FYN: variants seen among roughly 807,000 people sequenced by gnomAD.
FYN encodes the protein tyrosine-protein kinase Fyn.
In FYN, 10 loss-of-function variants were observed where a neutral mutation model predicts 70.2. The ratio of observed to expected loss-of-function variants is 0.14; its 90% CI spans 0.09 to 0.24. The LOEUF is 0.24. Ranked by LOEUF, FYN falls within the 10% of genes least tolerant of loss-of-function variation. FYN has a pLI of 1.00. For missense variants in FYN, 319 were observed against 673.1 expected, an observed-to-expected ratio of 0.47 and a Z score of 5.82; for synonymous variants, 236 against 248.6, an observed-to-expected ratio of 0.95 and a Z score of 0.48.
intron 3 of FYN, among the ~76,000 whole-genome samples, chr6:111,758,073 ATGT>A (rs763100567): frequency 1.3e-5 from 2 of 152,224 alleles, no homozygotes; most frequent in Non-Finnish European, 2.9e-5. Flanking sequence ...CTAGATTCTG[ATGT>A]TGTTTTTAAA....
At chr6:111,684,150 G>C (rs907433999) in intron 12 of FYN, among the ~76,000 whole-genome samples, 1 of 152,192 alleles carries the variant, frequency 6.6e-6, no homozygotes, top group Non-Finnish European at 1.5e-5. Flanking sequence ...AAGGAGGGAG[G>C]TTGGGAGGAA....
chr6:111,750,441 C>T (rs1394130637), intron 3 of FYN, among the ~76,000 whole-genome samples: 2 of 152,166 alleles, frequency 1.3e-5, no homozygotes, highest in Non-Finnish European at 1.5e-5. Context: ...AAGCAGAAGC[C>T]GCTATGCTTC....
At chr6:111,772,197 A>G (rs544792803) in intron 3 of FYN, among the ~76,000 whole-genome samples, 1 of 152,296 alleles carries the variant, frequency 6.6e-6, no homozygotes, top group Admixed American at 6.5e-5. Context: ...CAAGAAAAAA[A>G]AATGTTTAGC....
intron 2 of FYN, among the ~76,000 whole-genome samples, chr6:111,835,949 T>C (rs1387425330): frequency 6.6e-6 from 1 of 152,172 alleles, no homozygotes; most frequent in Non-Finnish European, 1.5e-5. Context: ...AGGACAGGTT[T>C]CTGCAGGTGG....
chr6:111,749,252 C>T (rs141575519), intron 3 of FYN, among the ~76,000 whole-genome samples: 3 of 152,116 alleles, frequency 2.0e-5, no homozygotes, highest in African/African-American at 7.2e-5. Context: ...CCAAATATTG[C>T]CTGCTGATCT....
At position 111,811,069 on chromosome 6, in the gene FYN, G is replaced by A. The variant is rs147621543; in HGVS notation, c.-81-30434C>T. ...CTTGGCACAGGAGCCAACCTTGCCC[G>A]GCACCAGCTGATATATGTGGCAAAC... On this transcript the variant is annotated intron_variant, in intron 2 of 13. Coordinates refer to ENST00000354650, the MANE Select transcript of FYN (RefSeq NM_002037.5). Among the ~76,000 whole-genome samples the A allele has an allele frequency of 1.2e-3, 176 of 152,244 alleles. 1 individual carries two copies. The highest frequency in any genetic ancestry group is 4.0e-3 in the African/African-American group (165 of 41,554).
At chr6:111,794,129 C>T (rs1771728500) in intron 2 of FYN, among the ~76,000 whole-genome samples, 1 of 152,246 alleles carries the variant, frequency 6.6e-6, no homozygotes, top group South Asian at 2.1e-4. Flanking sequence ...CATGAGGACA[C>T]CCGGGCCTTT....
At chr6:111,711,334 T>C (rs117826797) in intron 5 of FYN, among the ~76,000 whole-genome samples, 2,287 of 152,048 alleles carry the variant, frequency 0.015, 23 homozygotes, top group Non-Finnish European at 0.022. Flanking sequence ...GTGTAAAACA[T>C]GTATTACATT....
intron 2 of FYN, chr6:111,813,987 A>G (rs1008320907): frequency 1.3e-5 from 2 of 152,236 alleles, no homozygotes; most frequent in African/African-American, 4.8e-5. Flanking sequence ...GATCTGTCCC[A>G]GCATGACATG....
chr6:111,796,804 T>C (rs1333877408), intron 2 of FYN, among the ~76,000 whole-genome samples: 2 of 152,124 alleles, frequency 1.3e-5, no homozygotes, highest in Non-Finnish European at 1.5e-5. Flanking sequence ...TTCAGGTGGG[T>C]TGAAGGCACA....
At chr6:111,817,512 G>A (rs1374452845) in intron 2 of FYN, among the ~76,000 whole-genome samples, 1 of 152,112 alleles carries the variant, frequency 6.6e-6, no homozygotes, top group Non-Finnish European at 1.5e-5. Flanking sequence ...CTATCCCACT[G>A]AAAAAAGAAT....
At chr6:111,696,225 A>T in intron 10 of FYN, 52 bp downstream of exon 10, 1 of 1,442,452 alleles carries the variant, frequency 6.9e-7, no homozygotes, top group Non-Finnish European at 9.3e-7. Flanking sequence ...TCTCTCCCCT[A>T]AACAACCCCT....
chr6:111,665,894 AT>A (rs1323026384), intron 13 of FYN, among the ~76,000 whole-genome samples: 1 of 150,426 alleles, frequency 6.6e-6, no homozygotes, highest in Non-Finnish European at 1.5e-5. Flanking sequence ...AAGTGCTGGG[AT>A]TACAGGTGTG....
At chr6:111,749,300 C>G (rs1562503891) in intron 3 of FYN, among the ~76,000 whole-genome samples, 1 of 152,160 alleles carries the variant, frequency 6.6e-6, no homozygotes, top group Non-Finnish European at 1.5e-5. Flanking sequence ...TCTGGAGCAA[C>G]AGCTAAAATT....
chr6:111,676,826 G>T (rs752339212), intron 12 of FYN, among the ~76,000 whole-genome samples: 1 of 152,120 alleles, frequency 6.6e-6, no homozygotes, highest in Non-Finnish European at 1.5e-5. Context: ...ATTGGTGAAG[G>T]TGTGTGTGTT....
chr6:111,715,245 CT>C (rs11405453), intron 4 of FYN, among the ~76,000 whole-genome samples: 64 of 146,804 alleles, frequency 4.4e-4, no homozygotes, highest in Middle Eastern at 3.5e-3. Flanking sequence ...AGGCATAATT[CT>C]TTTTTTTTTT....
intron 1 of FYN, among the ~76,000 whole-genome samples, chr6:111,867,032 C>T (rs1774126710): frequency 6.6e-6 from 1 of 152,196 alleles, no homozygotes; most frequent in Admixed American, 6.5e-5. Flanking sequence ...AGGCTCCTCT[C>T]CCATTCTGGG....
chr6:111,808,503 G>C (rs1452499723), intron 2 of FYN, among the ~76,000 whole-genome samples: 2 of 152,092 alleles, frequency 1.3e-5, no homozygotes, highest in African/African-American at 2.4e-5. Flanking sequence ...CCCCACTGTG[G>C]GTAGATATTC....
At chr6:111,708,147 T>C in intron 5 of FYN, 127 bp from the exon 6 acceptor site, 1 of 703,404 alleles carries the variant, frequency 1.4e-6, no homozygotes, top group South Asian at 1.7e-5. Flanking sequence ...AACCTATTCC[T>C]TTACTCTGAA....
Sources: allele counts gnomAD v4.1 joint callset (sites outside exome capture counted in the v4.1 genomes callset), GRCh38; gene constraint gnomAD v4.1.1; transcripts MANE v1.5; gene names NCBI Gene and HGNC (gene_info 2026-07-23, HGNC 2026-07-21).